Variants in IQCC observed in about 807,000 individuals in gnomAD.
IQCC encodes IQ domain-containing protein C.
IQCC carries 23 observed loss-of-function variants against 27.0 expected under a neutral mutation model. The observed-to-expected ratio is 0.85, with a 90% CI of 0.61 to 1.21. IQCC has a LOEUF of 1.21. Ranked by LOEUF, IQCC falls within the 50% of genes most tolerant of loss-of-function variation. The probability of loss-of-function intolerance (pLI) is 0.00; values close to 1 mark genes in which losing one functional copy is unlikely to be tolerated. For synonymous variants in IQCC, 220 were observed against 217.2 expected, an observed-to-expected ratio of 1.01 and a Z score of -0.11; for missense variants, 552 against 562.3, an observed-to-expected ratio of 0.98 and a Z score of 0.19.
In IQCC at chr1:32,205,879, C is replaced by G. The variant is rs760688674; in HGVS notation, c.42+156C>G. The G allele has an allele frequency of 6.4e-7, 1 of 1,551,924 alleles. No individual in the cohort carries two copies. Among genetic ancestry groups the G allele is most frequent in the Admixed American group, 2.0e-5 (1 of 51,010 alleles). ...CTGTCCCCAACCGCGCTGAGGAAAG[C>G]TGGGACCCACGGACTCCCTGCCCTG... On this transcript the variant is annotated intron_variant, in intron 1 of 4. Transcript: ENST00000291358. The surrounding 1 kb of genome is among the most constrained non-coding windows in gnomAD (Gnocchi z 5.6).
In IQCC at chr1:32,205,868, G is replaced by A; in HGVS notation, c.42+145G>A. 1 of 1,552,276 alleles carries A rather than the reference G, an allele frequency of 6.4e-7. No individual in the cohort carries two copies. The highest frequency in any genetic ancestry group is 8.7e-7 in the Non-Finnish European group (1 of 1,147,540). On this transcript the variant is annotated intron_variant, in intron 1 of 4. Transcript: ENST00000291358. This position sits in a 1 kb window ranked among gnomAD's most constrained non-coding sequence, Gnocchi z 5.6. The stretch of plus-strand genomic sequence containing the variant: ...GGAGATACCGGCTGTCCCCAACCGC[G>A]CTGAGGAAAGCTGGGACCCACGGAC...
Position 32,206,007 on chromosome 1 carries a change from G to C in IQCC, c.43-147G>C, listed in dbSNP as rs536655951. 7.6e-6 allele frequency: 12 copies of C among 1,586,866 alleles called. No homozygotes were observed. The South Asian group carries it at 1.4e-4, about 18-fold the overall frequency. On this transcript the variant is annotated intron_variant, in intron 1 of 4. Coordinates refer to ENST00000291358, the MANE Select transcript of IQCC (RefSeq NM_018134.3). Reference sequence around the variant, plus strand: ...TCTGGCATCGTCCCTCGAGCCCCCCGGAGCCCTAGCGCACAGCCCACCTAT... The same window carrying C: ...TCTGGCATCGTCCCTCGAGCCCCCCCGAGCCCTAGCGCACAGCCCACCTAT...
In IQCC at chr1:32,207,601, AGACCTTTGGAGG is replaced by A. The variant is rs1643405584; in HGVS notation, c.926_937del (p.Phe309_Thr312del). ...ACCAAAGGGCCAGACGATGGAAGAC[AGACCTTTGGAGG>A]GACCTGCCTGCTGCAGATGAAAATC... On this transcript the variant is annotated inframe_deletion, in exon 5 of 5. Coordinates refer to ENST00000291358, the MANE Select transcript of IQCC (RefSeq NM_018134.3). The A allele has an allele frequency of 2.5e-6, 4 of 1,613,766 alleles. No homozygotes were observed. The highest frequency in any genetic ancestry group is 2.5e-6 in the Non-Finnish European group (3 of 1,179,946).
Position 32,207,945 on chromosome 1 carries a change from A to C in IQCC, c.1264A>C (p.Ser422Arg), listed in dbSNP as rs1306103465. ...CAGAGATGGAACCTCCAATGAGCCT[A>C]GTCATGAAGGACAGAAAAAGCAGAG... ...SSRDGTSNEP[S>R]HEGQKKQRTI... The change falls in exon 5 of 5, where the codon AGT (serine) becomes CGT (arginine). Residue 422 changes from serine (S) to arginine (R), a missense_variant. Coordinates refer to ENST00000291358, the MANE Select transcript of IQCC (RefSeq NM_018134.3). 1 of 1,614,206 alleles carries C rather than the reference A, an allele frequency of 6.2e-7. No homozygotes were observed. Among genetic ancestry groups the C allele is most frequent in the Admixed American group, 1.7e-5 (1 of 60,022 alleles).
In IQCC at chr1:32,206,984, T is replaced by G; in HGVS notation, c.440-18T>G. 6.3e-7 allele frequency: 1 copy of G among 1,584,430 alleles called. No homozygotes were observed. The highest frequency in any genetic ancestry group is 1.1e-5 in the South Asian group (1 of 89,072). On this transcript the variant is annotated intron_variant, in intron 3 of 4. Coordinates refer to ENST00000291358, the MANE Select transcript of IQCC (RefSeq NM_018134.3). Reference sequence around the variant, plus strand: ...GGTCCCTCAAGGTTTTCTCCTTCCTTTCTTCCCTCCTTCACAGAAGCCACA... The same window carrying G: ...GGTCCCTCAAGGTTTTCTCCTTCCTGTCTTCCCTCCTTCACAGAAGCCACA...
At position 32,208,200 on chromosome 1, in the gene IQCC, T is replaced by G. The variant is rs886310808; in HGVS notation, c.*118T>G. The stretch of plus-strand genomic sequence containing the variant: ...TGGCTTCTGCTCCTGCCCCTGGCCA[T>G]TGGTGACTAGTGGGGCCAAGAGAAG... On this transcript the variant is annotated 3_prime_UTR_variant, in exon 5 of 5. Coordinates refer to ENST00000291358, the MANE Select transcript of IQCC (RefSeq NM_018134.3). The G allele has an allele frequency of 1.2e-5, 14 of 1,136,622 alleles. No individual in the cohort carries two copies. The highest frequency in any genetic ancestry group is 1.7e-5 in the Non-Finnish European group (14 of 816,006). 70.4% of individuals were successfully genotyped at this position (1,136,622 alleles called of 1,614,324 possible).
chr1:32,205,945 A>T lies in IQCC; in HGVS notation c.43-209A>T. Reference sequence around the variant, plus strand: ...ACCACACGCTCGCGCCGGATCAGGGAAACGGGAAGAGCCTTAAGGCGAGGA... The same window carrying T: ...ACCACACGCTCGCGCCGGATCAGGGTAACGGGAAGAGCCTTAAGGCGAGGA... On this transcript the variant is annotated intron_variant, in intron 1 of 4. Transcript: ENST00000291358. The surrounding 1 kb of genome is among the most constrained non-coding windows in gnomAD (Gnocchi z 5.6). The T allele has an allele frequency of 6.4e-7, 1 of 1,552,332 alleles. No homozygotes were observed. Among genetic ancestry groups the T allele is most frequent in the South Asian group, 1.2e-5 (1 of 84,594 alleles).
Position 32,208,193 on chromosome 1 carries a change from C to T in IQCC, c.*111C>T. 1 of 1,238,168 alleles carries T rather than the reference C, an allele frequency of 8.1e-7. No homozygotes were observed. The highest frequency in any genetic ancestry group is 1.1e-6 in the Non-Finnish European group (1 of 908,220). The allele number at this position is 1,238,168 out of a possible 1,614,324, so 76.7% of individuals were successfully genotyped here. The stretch of plus-strand genomic sequence containing the variant: ...CCAGCTCTGGCTTCTGCTCCTGCCC[C>T]TGGCCATTGGTGACTAGTGGGGCCA... On this transcript the variant is annotated 3_prime_UTR_variant, in exon 5 of 5. Transcript: ENST00000291358.
At position 32,207,537 on chromosome 1, in the gene IQCC, T is replaced by C. The variant is rs947637909; in HGVS notation, c.856T>C (p.Ser286Pro). The C allele has an allele frequency of 9.9e-6, 16 of 1,611,832 alleles. No individual in the cohort carries two copies. The highest frequency in any genetic ancestry group is 1.3e-5 in the Non-Finnish European group (15 of 1,178,794). ...PCYSKSGPPS[S>P]IPSNSQALGD... ...CTACAGCAAGTCTGGACCACCGTCG[T>C]CTATACCATCAAACAGCCAGGCCTT... The change falls in exon 5 of 5, where the codon TCT becomes CCT. Residue 286 changes from serine to proline, a missense_variant. Ser to Pro is a moderately conservative substitution (Grantham distance 74). Coordinates refer to ENST00000291358, the MANE Select transcript of IQCC (RefSeq NM_018134.3).
In IQCC at chr1:32,205,943, G is replaced by A. The variant is rs1447525069; in HGVS notation, c.43-211G>A. ...CCACCACACGCTCGCGCCGGATCAG[G>A]GAAACGGGAAGAGCCTTAAGGCGAG... On this transcript the variant is annotated intron_variant, in intron 1 of 4. Coordinates refer to ENST00000291358, the MANE Select transcript of IQCC (RefSeq NM_018134.3). This position sits in a 1 kb window ranked among gnomAD's most constrained non-coding sequence, Gnocchi z 5.6. 1 of 1,552,310 alleles carries A rather than the reference G, an allele frequency of 6.4e-7. No individual in the cohort carries two copies. The highest frequency in any genetic ancestry group is 1.4e-5 in the African/African-American group (1 of 73,176).
At position 32,208,066 on chromosome 1, in the gene IQCC, C is replaced by T; in HGVS notation, c.1385C>T (p.Thr462Ile). Residue 462 changes from threonine (T) to isoleucine (I), a missense_variant, in exon 5 of 5, where the codon ACA becomes ATA. By Grantham distance (89) the Thr-to-Ile change is moderately conservative (BLOSUM62 -1). Transcript: ENST00000291358. ...CAGTGGAGGGGCAGGCCATGGAAAACAGAACCACCTGGCTAGACCCTAGGA... is the reference window on the plus strand; with the variant it reads ...CAGTGGAGGGGCAGGCCATGGAAAATAGAACCACCTGGCTAGACCCTAGGA... ...EEQWRGRPWK[T>I]EPPG 6.2e-7 allele frequency: 1 copy of T among 1,610,988 alleles called. No homozygotes were observed. The highest frequency in any genetic ancestry group is 1.1e-5 in the South Asian group (1 of 90,844).
In IQCC at chr1:32,207,657, A is replaced by G. The variant is rs1230308289; in HGVS notation, c.976A>G (p.Arg326Gly). The G allele has an allele frequency of 6.2e-7, 1 of 1,613,984 alleles. No homozygotes were observed. The highest frequency in any genetic ancestry group is 8.5e-7 in the Non-Finnish European group (1 of 1,180,024). The change falls in exon 5 of 5, where the codon AGA becomes GGA. Residue 326 changes from arginine (R) to glycine (G), a missense_variant. By Grantham distance (125) the Arg-to-Gly change is moderately radical (BLOSUM62 -2). Transcript: ENST00000291358. Reference protein sequence around the residue: ...QMKILEDQTPRGLKPRNHCPR... With the variant: ...QMKILEDQTPGGLKPRNHCPR... ...GAAAATCCTGGAGGACCAGACCCCCAGAGGTTTAAAACCTAGGAACCATTG... is the reference window on the plus strand; with the variant it reads ...GAAAATCCTGGAGGACCAGACCCCCGGAGGTTTAAAACCTAGGAACCATTG...
Position 32,206,315 on chromosome 1 carries a change from G to C in IQCC, c.186+18G>C. On this transcript the variant is annotated intron_variant, in intron 2 of 4. Coordinates refer to ENST00000291358, the MANE Select transcript of IQCC (RefSeq NM_018134.3). ...TCCCAGAGGTAGAACACACCTAGGA[G>C]AGAAGGGAAGGAGGGACTTGGGCAG... The C allele has an allele frequency of 6.2e-7, 1 of 1,612,662 alleles. No individual in the cohort carries two copies. Among genetic ancestry groups the C allele is most frequent in the Middle Eastern group, 1.7e-4 (1 of 6,054 alleles).
chr1:32,206,695 C>T lies in IQCC; in HGVS notation c.373C>T (p.Gln125Ter). Residue 125 changes from glutamine to a stop codon, truncating the protein, a stop_gained, in exon 3 of 5, where the codon CAG (glutamine) becomes TAG (stop). Transcript: ENST00000291358. LOFTEE classifies it high-confidence loss of function. The stretch of plus-strand genomic sequence containing the variant: ...CTGCAGAGATCACAGCTCCTGGCTT[C>T]AGATGAAGCAGAACAGGAAACCCAG... ...SLCRDHSSWL[Q>*]MKQNRKPSQE... 6.2e-7 allele frequency: 1 copy of T among 1,614,158 alleles called. No homozygotes were observed. Among genetic ancestry groups the T allele is most frequent in the South Asian group, 1.1e-5 (1 of 91,086 alleles).
rs1643443745 is a variant in IQCC at position 32,208,292 on chromosome 1, G to A, written c.*210G>A. 1 of 543,466 alleles carries A rather than the reference G, an allele frequency of 1.8e-6. No individual in the cohort carries two copies. Among genetic ancestry groups the A allele is most frequent in the Non-Finnish European group, 3.2e-6 (1 of 312,188 alleles). 33.7% of individuals were successfully genotyped at this position (543,466 alleles called of 1,614,324 possible). On this transcript the variant is annotated 3_prime_UTR_variant, in exon 5 of 5. Coordinates refer to ENST00000291358, the MANE Select transcript of IQCC (RefSeq NM_018134.3). Reference sequence around the variant, plus strand: ...ACACATTTTCAATCCTCTGCCTGTAGCTCAATCCAAATTTGTGGATAAGGG... The same window carrying A: ...ACACATTTTCAATCCTCTGCCTGTAACTCAATCCAAATTTGTGGATAAGGG...
Position 32,206,983 on chromosome 1 carries a change from T to G in IQCC, c.440-19T>G. 1 of 1,584,056 alleles carries G rather than the reference T, an allele frequency of 6.3e-7. No homozygotes were observed. The highest frequency in any genetic ancestry group is 1.1e-5 in the South Asian group (1 of 88,976). On this transcript the variant is annotated intron_variant, in intron 3 of 4. Transcript: ENST00000291358. The stretch of plus-strand genomic sequence containing the variant: ...TGGTCCCTCAAGGTTTTCTCCTTCC[T>G]TTCTTCCCTCCTTCACAGAAGCCAC...
rs1643414341 is a variant in IQCC at position 32,207,761 on chromosome 1, C to T, written c.1080C>T (p.Asp360=). 1.2e-6 allele frequency: 2 copies of T among 1,613,942 alleles called. No individual in the cohort carries two copies. The highest frequency in any genetic ancestry group is 1.1e-5 in the South Asian group (1 of 91,090). Residue 360 remains aspartate, a synonymous_variant, in exon 5 of 5, where the codon GAC becomes GAT. Coordinates refer to ENST00000291358, the MANE Select transcript of IQCC (RefSeq NM_018134.3). The stretch of plus-strand genomic sequence containing the variant: ...AGGAGATGTCTCCCAGAAAACTAGA[C>T]CACAAAGAGCCTGACTGCCGAACAG... ...NIKEMSPRKL[D]HKEPDCRTVR... is the part of the protein sequence containing the mutation.
rs747607918 is a variant in IQCC at position 32,207,849 on chromosome 1, C to T, written c.1168C>T (p.Pro390Ser). 7 of 1,613,990 alleles carry T rather than the reference C, an allele frequency of 4.3e-6. No homozygotes were observed. Among genetic ancestry groups the T allele is most frequent in the Non-Finnish European group, 5.1e-6 (6 of 1,179,996 alleles). The stretch of plus-strand genomic sequence containing the variant: ...CATCTGGGATGGTACCTTGGGGGGG[C>T]CAGAGCATAGTGTCCTCGATCTCTG... ...HIIWDGTLGG[P>S]EHSVLDLWRT... Residue 390 changes from proline to serine, a missense_variant, in exon 5 of 5, where the codon CCA becomes TCA. Physicochemically the swap from Pro to Ser is moderately conservative, Grantham distance 74 (BLOSUM62 -1). Coordinates refer to ENST00000291358, the MANE Select transcript of IQCC (RefSeq NM_018134.3).
chr1:32,207,256 A>G lies in IQCC; in HGVS notation c.575A>G (p.Gln192Arg). 6.2e-7 allele frequency: 1 copy of G among 1,614,042 alleles called. No homozygotes were observed. ...NSRKEYLLLK[Q>R]TLRSPEAGPI... The stretch of plus-strand genomic sequence containing the variant: ...CCCCAACAGTACCTACTTCTTAAAC[A>G]AACACTGAGATCCCCAGAGGCGGGC... The change falls in exon 5 of 5, where the codon CAA becomes CGA. Residue 192 changes from glutamine (Q) to arginine (R), a missense_variant. Coordinates refer to ENST00000291358, the MANE Select transcript of IQCC (RefSeq NM_018134.3).
Sources: allele counts gnomAD v4.1 joint callset, GRCh38; gene constraint gnomAD v4.1.1; non-coding constraint Gnocchi (gnomAD v3.1); transcripts MANE v1.5; gene names NCBI Gene and HGNC (gene_info 2026-07-23, HGNC 2026-07-21).